The following GRIA4 variants were observed in gnomAD, a reference collection of about 807,000 sequenced individuals.
GRIA4 encodes the protein glutamate ionotropic receptor AMPA type subunit 4.
A neutral mutation model predicts 104.0 loss-of-function variants in GRIA4; 34 were observed. That is an observed-to-expected ratio of 0.33 (90% confidence interval 0.25 to 0.44). The LOEUF (loss-of-function observed/expected upper bound fraction) is 0.44. Among genes scored for constraint, GRIA4 ranks in the 20% least tolerant of loss-of-function variants. The pLI is 1.00. For synonymous variants in GRIA4, 386 were observed against 381.9 expected (o/e 1.01, Z -0.13); for missense variants, 750 against 1,096.5 (o/e 0.68, Z 4.46).
chr11:105,820,280 A>G (rs1440315915), intron 4 of GRIA4, among the ~76,000 whole-genome samples: 1 of 152,140 alleles, frequency 6.6e-6, no homozygotes, highest in Non-Finnish European at 1.5e-5. Context: ...AAGATCACAC[A>G]ACTAGTAGGT....
chr11:105,821,098 C>T (rs1943560777), intron 4 of GRIA4, among the ~76,000 whole-genome samples: 2 of 152,036 alleles, frequency 1.3e-5, no homozygotes, highest in African/African-American at 4.8e-5. Context: ...GTTTAGACAT[C>T]CAAAACTGAG....
At chr11:105,869,462 G>A (rs1304104973) in intron 5 of GRIA4, among the ~76,000 whole-genome samples, 1 of 152,038 alleles carries the variant, frequency 6.6e-6, no homozygotes, top group East Asian at 1.9e-4. Context: ...CTGCATACAA[G>A]TATCTACTGT....
intron 3 of GRIA4, among the ~76,000 whole-genome samples, chr11:105,695,983 G>A (rs1953263682): frequency 6.6e-6 from 1 of 152,172 alleles, no homozygotes. Flanking sequence ...AGGCAAACAA[G>A]CACTTCAATG....
chr11:105,790,754 G>T (rs1001358547), intron 4 of GRIA4, among the ~76,000 whole-genome samples: 7 of 152,162 alleles, frequency 4.6e-5, no homozygotes, highest in Admixed American at 6.5e-5. Context: ...GTAATGATTT[G>T]ATATATCAGA....
At chr11:105,793,911 C>T (rs912231690) in intron 4 of GRIA4, among the ~76,000 whole-genome samples, 7 of 152,064 alleles carry the variant, frequency 4.6e-5, no homozygotes, top group Admixed American at 2.0e-4. Flanking sequence ...GATTCCTAAC[C>T]ACAATGGTGA....
intron 4 of GRIA4, among the ~76,000 whole-genome samples, chr11:105,841,178 C>G (rs976751337): frequency 3.3e-5 from 5 of 151,590 alleles, no homozygotes; most frequent in Non-Finnish European, 7.4e-5. Context: ...GAAAAAGTCA[C>G]ATAAGTCAAC....
intron 4 of GRIA4, among the ~76,000 whole-genome samples, chr11:105,828,135 T>C (rs564539309): frequency 1.2e-3 from 186 of 152,166 alleles, no homozygotes; most frequent in African/African-American, 4.3e-3. Flanking sequence ...TAAATCAGTT[T>C]AGTCATTTTT....
At chr11:105,911,808 A>ATATATG (rs1565337189) in intron 10 of GRIA4, 1 of 329,772 alleles carries the variant, frequency 3.0e-6, no homozygotes, top group Non-Finnish European at 5.7e-6. Context: ...ATATATATAT[A>ATATATG]TGTTTCTTTT....
intron 3 of GRIA4, among the ~76,000 whole-genome samples, chr11:105,618,972 C>T (rs1380319729): frequency 6.6e-6 from 1 of 151,842 alleles, no homozygotes; most frequent in Non-Finnish European, 1.5e-5. Context: ...TGTTCAACCT[C>T]GTTGACAACT....
intron 3 of GRIA4, among the ~76,000 whole-genome samples, chr11:105,664,845 C>A (rs1319766286): frequency 1.3e-5 from 2 of 151,894 alleles, no homozygotes; most frequent in African/African-American, 2.4e-5. Flanking sequence ...TTCTAATATG[C>A]ACCTCACAAT....
chr11:105,702,928 C>G (rs185979253), intron 3 of GRIA4, among the ~76,000 whole-genome samples: 33 of 152,180 alleles, frequency 2.2e-4, no homozygotes, highest in Non-Finnish European at 5.9e-5. Context: ...CTCCTGACCA[C>G]AAGTGATCTG....
chr11:105,736,700 A>C (rs1020870103), intron 3 of GRIA4, among the ~76,000 whole-genome samples: 1 of 152,084 alleles, frequency 6.6e-6, no homozygotes, highest in Non-Finnish European at 1.5e-5. Flanking sequence ...AATACATTTA[A>C]ATTTTTTTTC....
chr11:105,736,598 A>G (rs912698767), intron 3 of GRIA4, among the ~76,000 whole-genome samples: 7 of 152,110 alleles, frequency 4.6e-5, no homozygotes, highest in African/African-American at 1.4e-4. Flanking sequence ...GTTACTTTAT[A>G]TACATAATCA....
intron 3 of GRIA4, among the ~76,000 whole-genome samples, chr11:105,622,643 T>A (rs577339441): frequency 6.6e-6 from 1 of 151,958 alleles, no homozygotes; most frequent in South Asian, 2.1e-4. Context: ...ACTTTCTCCA[T>A]CTCTATTTCA....
intron 3 of GRIA4, among the ~76,000 whole-genome samples, chr11:105,711,887 C>G (rs519193): frequency 6.6e-6 from 1 of 151,806 alleles, no homozygotes; most frequent in South Asian, 2.1e-4. Context: ...ACCTCTCTAA[C>G]TTCCTCTTTC....
Position 105,910,444 on chromosome 11 carries a change from T to C in GRIA4, c.1168T>C (p.Trp390Arg), listed in dbSNP as rs1204612157. The change falls in exon 10 of 17, where the codon TGG (tryptophan) becomes CGG (arginine). Residue 390 changes from tryptophan to arginine, a missense_variant. Around this residue, in one of 3 missense-constraint regions of GRIA4, gnomAD observed 410 missense variants for 502.7 expected, o/e 0.82. Coordinates refer to ENST00000282499, the MANE Select transcript of GRIA4 (RefSeq NM_000829.4). ...KSTGPRKVGY[W>R]NDMDKLVLIQ... ...GTTCTCTATTTGGCAGGTTGGTTAC[T>C]GGAATGATATGGATAAGTTAGTCTT... The C allele has an allele frequency of 6.5e-7, 1 of 1,545,114 alleles. No individual in the cohort carries two copies. The highest frequency in any genetic ancestry group is 9.0e-7 in the Non-Finnish European group (1 of 1,117,138).
At chr11:105,711,737 C>T (rs1953918903) in intron 3 of GRIA4, among the ~76,000 whole-genome samples, 1 of 152,124 alleles carries the variant, frequency 6.6e-6, no homozygotes, top group Admixed American at 6.6e-5. Context: ...ATGTCCAAGA[C>T]ATTATAAGTA....
At chr11:105,616,284 A>G (rs943309824) in intron 3 of GRIA4, among the ~76,000 whole-genome samples, 2 of 151,764 alleles carry the variant, frequency 1.3e-5, no homozygotes, top group Non-Finnish European at 1.5e-5. Flanking sequence ...AATCACAAAT[A>G]GAATCAATAT....
intron 3 of GRIA4, among the ~76,000 whole-genome samples, chr11:105,742,750 A>C (rs1347029302): frequency 1.3e-5 from 2 of 152,004 alleles, no homozygotes; most frequent in Non-Finnish European, 2.9e-5. Flanking sequence ...TGGTGAACCC[A>C]AAAAATCAGT....
Sources: gnomAD v4.1 joint callset for allele counts (sites outside exome capture counted in the v4.1 genomes callset) on GRCh38, gnomAD v4.1.1 for gene constraint, gnomAD v4.1.1 regional missense constraint, MANE v1.5 for transcripts, NCBI Gene and HGNC (gene_info 2026-07-23, HGNC 2026-07-21) for gene names.